RBFOX1: variants seen among roughly 807,000 people sequenced by gnomAD.
RBFOX1 encodes RNA binding protein fox-1 homolog 1.
In RBFOX1, 8 loss-of-function variants were observed where a neutral mutation model predicts 57.7. The ratio of observed to expected loss-of-function variants is 0.14; its 90% CI spans 0.08 to 0.25. The LOEUF (loss-of-function observed/expected upper bound fraction) is 0.25, where lower values mean the gene tolerates loss of function less well. Among genes scored for constraint, RBFOX1 ranks in the 10% least tolerant of loss-of-function variants. RBFOX1 has a pLI of 1.00. For synonymous variants in RBFOX1, 326 were observed against 222.4 expected (o/e 1.47, Z -4.15); for missense variants, 611 against 548.5 (o/e 1.11, Z -1.14).
chr16:6,613,815 G>C (rs2098105097), intron 2 of RBFOX1, among the ~76,000 whole-genome samples: 1 of 152,180 alleles, frequency 6.6e-6, no homozygotes, highest in Admixed American at 6.5e-5. Flanking sequence ...GTGTGTGCCT[G>C]TAATCCCAGC....
At chr16:6,493,296 T>G (rs1189945167) in intron 2 of RBFOX1, among the ~76,000 whole-genome samples, 1 of 152,100 alleles carries the variant, frequency 6.6e-6, no homozygotes, top group Non-Finnish European at 1.5e-5. Context: ...AATGGGGTGG[T>G]GGGGTGTTGG....
chr16:6,309,772 T>C (rs554732182), intron 1 of RBFOX1, among the ~76,000 whole-genome samples: 5 of 152,214 alleles, frequency 3.3e-5, no homozygotes, highest in African/African-American at 1.2e-4. Flanking sequence ...ACAGAGACTA[T>C]ACCTGAGCCC....
intron 2 of RBFOX1, among the ~76,000 whole-genome samples, chr16:6,341,490 A>T (rs1038450403): frequency 6.6e-6 from 1 of 152,364 alleles, no homozygotes; most frequent in South Asian, 2.1e-4. Flanking sequence ...TTTACTAAAC[A>T]GACCCAGGCT....
intron 3 of RBFOX1, among the ~76,000 whole-genome samples, chr16:6,879,646 A>G (rs1272254431): frequency 6.6e-6 from 1 of 152,216 alleles, no homozygotes; most frequent in Non-Finnish European, 1.5e-5. Flanking sequence ...AGCTTCAAGT[A>G]AGGTCCAGTT....
rs1282445806 is a variant in RBFOX1, at chr16:5,548,174, A to ATATATATATATATAT, written c.259-50728_259-50727insTATATATATATATAT. On this transcript the variant is annotated intron_variant, in intron 2 of 2. Coordinates refer to the RBFOX1 transcript ENST00000585867. ...AGACTCTGTTAAAAAAAAAAAAAAA[A>ATATATATATATATAT]ATATATATATATATATATATATATA... 1.9e-3 allele frequency among the ~76,000 whole-genome samples: 63 copies of ATATATATATATATAT among 33,514 alleles called. 1 individual carries two copies. Among genetic ancestry groups the ATATATATATATATAT allele is most frequent in the Middle Eastern group, 0.026 (1 of 38 alleles). 22.0% of individuals were successfully genotyped at this position (33,514 alleles called of 152,430 possible). A position where few individuals can be genotyped will look rare whatever the true frequency, so the allele number is the denominator to read the frequency against.
In RBFOX1 at chr16:7,027,877, G is replaced by C. The variant is rs558414880; in HGVS notation, c.-15-24180G>C. 2.0e-5 allele frequency among the ~76,000 whole-genome samples: 3 copies of C among 151,172 alleles called. No homozygotes were observed. In the South Asian group the frequency reaches 6.3e-4, roughly 32 times the overall value. ...AGGAGAGGGAGGAGAGGGAAACCGG[G>C]AGAAAAAAAGAAGGGAGAAGAGAAG... is the stretch of plus-strand genomic sequence containing the variant. On this transcript the variant is annotated intron_variant, in intron 3 of 15. Coordinates refer to ENST00000550418, the MANE Select transcript of RBFOX1 (RefSeq NM_018723.4).
At chr16:5,980,222 G>T (rs1002574284) in intron 4 of RBFOX1, among the ~76,000 whole-genome samples, 6 of 152,316 alleles carry the variant, frequency 3.9e-5, no homozygotes, top group Admixed American at 3.9e-4. Flanking sequence ...ACCACTGTTT[G>T]CATCTCCCTT....
chr16:5,249,421 C>T (rs1416163369), intron 1 of RBFOX1, among the ~76,000 whole-genome samples: 1 of 152,162 alleles, frequency 6.6e-6, no homozygotes, highest in African/African-American at 2.4e-5. Flanking sequence ...GAAAGCCTGT[C>T]GGCTTAAGTT....
At chr16:6,804,294 C>T (rs2086192682) in intron 3 of RBFOX1, among the ~76,000 whole-genome samples, 1 of 152,142 alleles carries the variant, frequency 6.6e-6, no homozygotes, top group Admixed American at 6.5e-5. Flanking sequence ...AGGCATGAGC[C>T]ACCCAGCCCT....
At chr16:6,645,886 C>A (rs1437985031) in intron 2 of RBFOX1, among the ~76,000 whole-genome samples, 4 of 152,124 alleles carry the variant, frequency 2.6e-5, no homozygotes, top group Admixed American at 2.6e-4. Flanking sequence ...CAAACTCGGC[C>A]TCCTTGTGCA....
rs149899655 is a variant in RBFOX1 at position 7,252,324 on chromosome 16, A to G, written c.27+200226A>G. On this transcript the variant is annotated intron_variant, in intron 4 of 15. Transcript: ENST00000550418. ...AAGTGGAAATATAACTTATAAGGAA[A>G]GTGGAAAACAAATTACATTCACCAC... Among the ~76,000 whole-genome samples, 80 of 152,338 alleles carry G rather than the reference A, an allele frequency of 5.3e-4. 1 individual carries two copies. The highest frequency in any genetic ancestry group is 8.5e-4 in the Non-Finnish European group (58 of 68,036).
At chr16:5,999,042 G>T (rs561732186) in intron 4 of RBFOX1, among the ~76,000 whole-genome samples, 1 of 152,158 alleles carries the variant, frequency 6.6e-6, no homozygotes, top group Admixed American at 6.5e-5. Context: ...ATTAATCACA[G>T]ACTGCCTGAG....
chr16:7,217,013 C>CTCCCTCCCTCCCT (rs2092174708), intron 4 of RBFOX1, among the ~76,000 whole-genome samples: 1 of 37,996 alleles, frequency 2.6e-5, no homozygotes, highest in Non-Finnish European at 5.0e-5. Flanking sequence ...CCTCCCTTCC[C>CTCCCTCCCTCCCT]TCCCTCCCTC....
At chr16:6,082,812 A>C (rs2096024300) in intron 1 of RBFOX1, among the ~76,000 whole-genome samples, 1 of 152,092 alleles carries the variant, frequency 6.6e-6, no homozygotes, top group South Asian at 2.1e-4. Flanking sequence ...AGCAGGGCCT[A>C]CCTTACATAG....
chr16:6,314,636 C>T (rs570268456), intron 1 of RBFOX1, among the ~76,000 whole-genome samples: 16 of 151,064 alleles, frequency 1.1e-4, no homozygotes, highest in East Asian at 9.8e-4. Context: ...AGGATATGTT[C>T]GGAGATGGAG....
chr16:7,063,072 G>A (rs1428598899), intron 4 of RBFOX1, among the ~76,000 whole-genome samples: 1 of 151,912 alleles, frequency 6.6e-6, no homozygotes, highest in Non-Finnish European at 1.5e-5. Context: ...ATCATACCCT[G>A]CAATGCCTCC....
At chr16:6,710,520 A>T (rs955871051) in intron 3 of RBFOX1, among the ~76,000 whole-genome samples, 10 of 152,242 alleles carry the variant, frequency 6.6e-5, no homozygotes, top group African/African-American at 2.4e-4. Flanking sequence ...AAGTACTCAG[A>T]ACCTCAAAAG....
intron 4 of RBFOX1, among the ~76,000 whole-genome samples, chr16:7,150,445 G>A (rs544246692): frequency 6.6e-6 from 1 of 152,272 alleles, no homozygotes; most frequent in South Asian, 2.1e-4. Flanking sequence ...ACACTCCATT[G>A]TGCAATGTCA....
At chr16:6,720,852 C>G (rs1376080099) in intron 3 of RBFOX1, among the ~76,000 whole-genome samples, 1 of 152,126 alleles carries the variant, frequency 6.6e-6, no homozygotes, top group African/African-American at 2.4e-5. Context: ...AATATCAGAA[C>G]CATGATTCAT....
Sources: gnomAD v4.1 joint callset for allele counts (sites outside exome capture counted in the v4.1 genomes callset) on GRCh38, gnomAD v4.1.1 for gene constraint, MANE v1.5 for transcripts, NCBI Gene and HGNC (gene_info 2026-07-23, HGNC 2026-07-21) for gene names.